WDR91: variants seen among roughly 807,000 people sequenced by gnomAD.
The protein encoded by WDR91 is WD repeat domain 91, also known as WD repeat-containing protein 91.
WDR91 carries 52 observed loss-of-function variants against 88.4 expected under a neutral mutation model. The ratio of observed to expected loss-of-function variants is 0.59; its 90% CI spans 0.47 to 0.74. WDR91 has a LOEUF of 0.74. Ranked by LOEUF, WDR91 falls within the 30% of genes least tolerant of loss-of-function variation. The probability of loss-of-function intolerance (pLI) is 0.00; values close to 1 mark genes in which losing one functional copy is unlikely to be tolerated. For synonymous variants in WDR91, 362 were observed against 389.5 expected (o/e 0.93, Z 0.83); for missense variants, 824 against 954.5 (o/e 0.86, Z 1.80).
At position 135,183,872 on chromosome 7, in the gene WDR91, C is replaced by A. The variant is rs1030490286; in HGVS notation, c.*2279G>T. 6.6e-6 allele frequency: 1 copy of A among 152,122 alleles called. No homozygotes were observed. The highest frequency in any genetic ancestry group is 6.5e-5 in the Admixed American group (1 of 15,274). 9.4% of individuals were successfully genotyped at this position (152,122 alleles called of 1,614,324 possible). Reference sequence around the variant, plus strand: ...AACATGCTTTATTTGAGGACGAGCGCTCACCCGGGATGGAGTAAGAAGTGG... The same window carrying A: ...AACATGCTTTATTTGAGGACGAGCGATCACCCGGGATGGAGTAAGAAGTGG... On this transcript the variant is annotated 3_prime_UTR_variant, in exon 15 of 15. Transcript: ENST00000354475.
chr7:135,196,480 G>GC lies in WDR91; in HGVS notation c.1051-144_1051-143insG. Reference sequence around the variant, plus strand: ...AGTGGAGAGGAGAGCTCTGACCTGCGAGGGTAGTGCTCAGCTCACCCTGGG... The same window carrying GC: ...AGTGGAGAGGAGAGCTCTGACCTGCGCAGGGTAGTGCTCAGCTCACCCTGGG... On this transcript the variant is annotated intron_variant, in intron 7 of 14. Transcript: ENST00000354475. The surrounding 1 kb of genome is among the most constrained non-coding windows in gnomAD (Gnocchi z 4.2). 2 of 770,764 alleles carry GC rather than the reference G, an allele frequency of 2.6e-6. No individual in the cohort carries two copies. Among genetic ancestry groups the GC allele is most frequent in the Non-Finnish European group, 1.9e-6 (1 of 526,126 alleles). The allele number at this position is 770,764 out of a possible 1,614,324, so 47.7% of individuals were successfully genotyped here.
intron 13 of WDR91, 29 bp downstream of exon 13, chr7:135,188,404 T>C (rs756509261): frequency 6.3e-7 from 1 of 1,595,078 alleles, no homozygotes; most frequent in South Asian, 1.1e-5. Context: ...ATCCCGGTGC[T>C]CTCTTATCTG....
In WDR91 at chr7:135,207,339, G is replaced by A. The variant is rs1273774974; in HGVS notation, c.512-137C>T. ...GGAGCGGTGCTGTGGGCTCTTGCGG[G>A]CTTAATGAAATAGTCGCTCCCTACA... On this transcript the variant is annotated intron_variant, in intron 3 of 14. Transcript: ENST00000354475. 1.2e-5 allele frequency: 9 copies of A among 728,594 alleles called. No individual in the cohort carries two copies. The East Asian group carries it at 1.6e-4, about 13-fold the overall frequency. The allele number at this position is 728,594 out of a possible 1,614,324, so 45.1% of individuals were successfully genotyped here.
In WDR91 at chr7:135,196,458, G is replaced by T; in HGVS notation, c.1051-121C>A. Reference sequence around the variant, plus strand: ...GCGGGGTTCTCGGTAATTACAGAGTGGAGAGGAGAGCTCTGACCTGCGAGG... The same window carrying T: ...GCGGGGTTCTCGGTAATTACAGAGTTGAGAGGAGAGCTCTGACCTGCGAGG... On this transcript the variant is annotated intron_variant, in intron 7 of 14. Coordinates refer to ENST00000354475, the MANE Select transcript of WDR91 (RefSeq NM_014149.4). The surrounding 1 kb of genome is among the most constrained non-coding windows in gnomAD (Gnocchi z 4.2). 2 of 971,418 alleles carry T rather than the reference G, an allele frequency of 2.1e-6. No homozygotes were observed. The highest frequency in any genetic ancestry group is 2.9e-6 in the Non-Finnish European group (2 of 693,434). 60.2% of individuals were successfully genotyped at this position (971,418 alleles called of 1,614,324 possible).
chr7:135,207,286 G>C, intron 3 of WDR91, 84 bp from the exon 4 acceptor site: 1 of 1,105,328 alleles, frequency 9.0e-7, no homozygotes. Context: ...AAACACATGA[G>C]ACACAGGGAC....
At chr7:135,201,068 G>A (rs1310703212) in intron 6 of WDR91, among the ~76,000 whole-genome samples, 1 of 152,216 alleles carries the variant, frequency 6.6e-6, no homozygotes, top group Non-Finnish European at 1.5e-5. Context: ...TAACTGGGAG[G>A]TAATTTGACA....
chr7:135,195,094 G>C lies in WDR91; in HGVS notation c.1245-10C>G. On this transcript the variant is annotated splice_polypyrimidine_tract_variant and intron_variant, in intron 8 of 14. Transcript: ENST00000354475. Reference sequence around the variant, plus strand: ...CCCAGAGCAGTCCACTCTGAGATGAGAGAAAAGGGAGGCCTGTCAGCTGGC... The same window carrying C: ...CCCAGAGCAGTCCACTCTGAGATGACAGAAAAGGGAGGCCTGTCAGCTGGC... The C allele has an allele frequency of 1.2e-6, 2 of 1,610,162 alleles. No homozygotes were observed. Among genetic ancestry groups the C allele is most frequent in the South Asian group, 1.1e-5 (1 of 90,454 alleles).
chr7:135,199,143 T>C (rs1831480128), intron 6 of WDR91: 1 of 152,240 alleles, frequency 6.6e-6, no homozygotes. Flanking sequence ...CTACTTGTTA[T>C]TTTTTATGTC....
chr7:135,210,228 T>C (rs1219231329), intron 1 of WDR91, among the ~76,000 whole-genome samples: 2 of 152,146 alleles, frequency 1.3e-5, no homozygotes, highest in African/African-American at 4.8e-5. Context: ...CACGCGCCTG[T>C]AATCCCAGCT....
chr7:135,186,915 G>A (rs1417606207), intron 14 of WDR91, 57 bp downstream of exon 14: 39 of 1,604,350 alleles, frequency 2.4e-5, no homozygotes, highest in Non-Finnish European at 3.2e-5. Flanking sequence ...CAGACCTCCA[G>A]GGAGGAACCC....
At chr7:135,198,249 G>A (rs1831448100) in intron 6 of WDR91, 98 bp from the exon 7 acceptor site, 2 of 1,414,952 alleles carry the variant, frequency 1.4e-6, no homozygotes, top group Non-Finnish European at 1.9e-6. Context: ...GGGCGTGGTG[G>A]GTTGGGGGCA....
chr7:135,209,407 C>T (rs1192385237), intron 2 of WDR91, 169 bp downstream of exon 2: 22 of 596,582 alleles, frequency 3.7e-5, no homozygotes, highest in South Asian at 1.2e-4. Flanking sequence ...CTACAGATGA[C>T]GACAAGGAAA....
At position 135,211,476 on chromosome 7, in the gene WDR91, G is replaced by C. The variant is rs748121110; in HGVS notation, c.27C>G (p.Asp9Glu). The C allele has an allele frequency of 3.1e-6, 5 of 1,611,878 alleles. No individual in the cohort carries two copies. The highest frequency in any genetic ancestry group is 4.2e-6 in the Non-Finnish European group (5 of 1,179,150). MAEAVERTDELVREYLLFR... is the reference protein window; with the variant it reads MAEAVERTEELVREYLLFR... ...AGAGCAGGTACTCCCGGACCAGCTC[G>C]TCAGTGCGCTCCACGGCCTCCGCCA... The change falls in exon 1 of 15, where the codon GAC (aspartate) becomes GAG (glutamate). Residue 9 changes from aspartate (D) to glutamate (E), a missense_variant. Coordinates refer to ENST00000354475, the MANE Select transcript of WDR91 (RefSeq NM_014149.4).
Position 135,186,249 on chromosome 7 carries a change from T to G in WDR91, c.2146A>C (p.Thr716Pro). 1.9e-6 allele frequency: 3 copies of G among 1,611,858 alleles called. No homozygotes were observed. The highest frequency in any genetic ancestry group is 2.5e-6 in the Non-Finnish European group (3 of 1,179,110). Residue 716 changes from threonine to proline, a missense_variant, in exon 15 of 15, where the codon ACC becomes CCC. Coordinates refer to ENST00000354475, the MANE Select transcript of WDR91 (RefSeq NM_014149.4). Reference protein sequence around the residue: ...SLGGHRAPVVTVDWSTAMDCG... With the variant: ...SLGGHRAPVVPVDWSTAMDCG... Reference sequence around the variant, plus strand: ...TCCATGGCAGTGCTCCAGTCCACGGTGACCACAGGGGCTCGGTGGCCACCT... The same window carrying G: ...TCCATGGCAGTGCTCCAGTCCACGGGGACCACAGGGGCTCGGTGGCCACCT...
In WDR91 at chr7:135,193,313, G is replaced by A. The variant is rs1831239351; in HGVS notation, c.1577C>T (p.Ser526Leu). 6.8e-6 allele frequency: 11 copies of A among 1,614,126 alleles called. No individual in the cohort carries two copies. Among genetic ancestry groups the A allele is most frequent in the African/African-American group, 1.3e-5 (1 of 74,944 alleles). Residue 526 changes from serine to leucine, a missense_variant, in exon 11 of 15, where the codon TCA becomes TTA. Physicochemically the swap from Ser to Leu is moderately radical, Grantham distance 145 (BLOSUM62 -2). Transcript: ENST00000354475. The part of the protein sequence containing the change: ...APSLTSQVDF[S>L]APDIGSKGMN... ...GCCCTTGCTGCCGATGTCTGGTGCT[G>A]AGAAGTCCACCTGGGAAGTGAGGCT... is the stretch of plus-strand genomic sequence containing the variant.
In WDR91 at chr7:135,210,963, A is replaced by G. The variant is rs1487112295; in HGVS notation, c.123+417T>C. 6 of 702,298 alleles carry G rather than the reference A, an allele frequency of 8.5e-6. No homozygotes were observed. The East Asian group carries it at 1.6e-4, about 19-fold the overall frequency. The allele number at this position is 702,298 out of a possible 1,614,324, so 43.5% of individuals were successfully genotyped here. On this transcript the variant is annotated intron_variant, in intron 1 of 14. Transcript: ENST00000354475. ...AGGCCATTTTAAACAAACACCGCAG[A>G]TACTTGAACGCAGCTAACGTTTTGG...
At position 135,196,733 on chromosome 7, in the gene WDR91, T is replaced by C. The variant is rs1831389400; in HGVS notation, c.1051-396A>G. On this transcript the variant is annotated intron_variant, in intron 7 of 14. Transcript: ENST00000354475. The surrounding 1 kb of genome is among the most constrained non-coding windows in gnomAD (Gnocchi z 4.2). ...TAGTCCTCCTCAAACAATGAGATGCTATTATCTTCCCCATTTTACAGCTGT... is the reference window on the plus strand; with the variant it reads ...TAGTCCTCCTCAAACAATGAGATGCCATTATCTTCCCCATTTTACAGCTGT... Among the ~76,000 whole-genome samples, 1 of 152,246 alleles carries C rather than the reference T, an allele frequency of 6.6e-6. No individual in the cohort carries two copies. Among genetic ancestry groups the C allele is most frequent in the African/African-American group, 2.4e-5 (1 of 41,454 alleles).
chr7:135,193,394 A>G lies in WDR91; in HGVS notation c.1496T>C (p.Leu499Pro), dbSNP rs1253820492. ...CCCGTTGGGGCTGCACGCAAGAGAC[A>G]GGATTCTGCAACACACATGGGCCTG... ...ININDNMPRILSLACSPNGAS... is the reference protein window; with the variant it reads ...ININDNMPRIPSLACSPNGAS... The change falls in exon 11 of 15, where the codon CTG becomes CCG. Residue 499 changes from leucine (L) to proline (P), a missense_variant. Coordinates refer to ENST00000354475, the MANE Select transcript of WDR91 (RefSeq NM_014149.4). 2 of 1,614,022 alleles carry G rather than the reference A, an allele frequency of 1.2e-6. No individual in the cohort carries two copies. Among genetic ancestry groups the G allele is most frequent in the African/African-American group, 2.7e-5 (2 of 74,932 alleles).
At chr7:135,194,273 T>C (rs1831280536) in intron 9 of WDR91, among the ~76,000 whole-genome samples, 1 of 152,136 alleles carries the variant, frequency 6.6e-6, no homozygotes, top group South Asian at 2.1e-4. Flanking sequence ...GAATATTAGG[T>C]AGAGTGTGAC....
Sources: allele counts gnomAD v4.1 joint callset (sites outside exome capture counted in the v4.1 genomes callset), GRCh38; gene constraint gnomAD v4.1.1; non-coding constraint Gnocchi (gnomAD v3.1); transcripts MANE v1.5; gene names NCBI Gene and HGNC (gene_info 2026-07-23, HGNC 2026-07-21).